The following CANT1 variants were observed in gnomAD, a reference collection of about 807,000 sequenced individuals.
CANT1 encodes calcium activated nucleotidase 1, also known as soluble calcium-activated nucleotidase 1.
Under a neutral mutation model 30.0 loss-of-function variants are expected in CANT1, and 26 were observed. That is an observed-to-expected ratio of 0.87 (90% CI 0.64 to 1.20). CANT1 has a LOEUF of 1.20. Ranked by LOEUF, CANT1 falls within the 50% of genes most tolerant of loss-of-function variation. The probability of loss-of-function intolerance (pLI) is 0.00; values close to 1 mark genes in which losing one functional copy is unlikely to be tolerated. For synonymous variants in CANT1, 246 were observed against 251.8 expected (o/e 0.98, Z 0.22); for missense variants, 518 against 563.0 (o/e 0.92, Z 0.81).
Position 78,993,766 on chromosome 17 carries a change from G to C in CANT1, c.990C>G (p.Ile330Met). 1.9e-6 allele frequency: 3 copies of C among 1,613,300 alleles called. No individual in the cohort carries two copies. Among genetic ancestry groups the C allele is most frequent in the Middle Eastern group, 3.3e-4 (2 of 6,060 alleles). ...LLSASPDFGD[I>M]AVSHVGAVVP... ...CCACCGCCCCGACGTGGCTCACAGC[G>C]ATGTCGCCGAAGTCAGGGGAGGCGC... The change falls in exon 5 of 5, where the codon ATC becomes ATG. Residue 330 changes from isoleucine to methionine, a missense_variant. By Grantham distance (10) the Ile-to-Met change is conservative. Around this residue, in one of 3 missense-constraint regions of CANT1, gnomAD observed 221 missense variants for 211.8 expected, o/e 1.04. Transcript: ENST00000392446. The surrounding 1 kb of genome is among the most constrained non-coding windows in gnomAD (Gnocchi z 4.5).
chr17:78,994,005 C>A, intron 4 of CANT1, 85 bp from the exon 5 acceptor site: 1 of 1,483,392 alleles, frequency 6.7e-7, no homozygotes, highest in South Asian at 1.3e-5. Flanking sequence ...CAGTAGCAGG[C>A]AAGGGGCTGC....
At position 79,008,589 on chromosome 17, in the gene CANT1, C is replaced by T. The variant is rs773935627; in HGVS notation, c.-147+1075G>A. 3.3e-5 allele frequency among the ~76,000 whole-genome samples: 5 copies of T among 152,170 alleles called. No individual in the cohort carries two copies. The highest frequency in any genetic ancestry group is 9.7e-5 in the African/African-American group (4 of 41,446). ...GAAATGGAGCTGGGACACTAAGAGA[C>T]GGCTTTTCCAGGGGTCACTAAGGGG... On this transcript the variant is annotated intron_variant, in intron 1 of 4. Transcript: ENST00000392446. This position sits in a 1 kb window ranked among gnomAD's most constrained non-coding sequence, Gnocchi z 4.4.
Position 78,997,617 on chromosome 17 carries a change from G to A in CANT1, c.6C>T (p.Pro2=), listed in dbSNP as rs887899987. 14 of 1,568,768 alleles carry A rather than the reference G, an allele frequency of 8.9e-6. No homozygotes were observed. The highest frequency in any genetic ancestry group is 2.4e-5 in the South Asian group (2 of 84,220). The change falls in exon 3 of 5, where the codon CCC becomes CCT. Residue 2 remains proline, a synonymous_variant. Coordinates refer to ENST00000392446, the MANE Select transcript of CANT1 (RefSeq NM_001159773.2). The surrounding 1 kb of genome is among the most constrained non-coding windows in gnomAD (Gnocchi z 7.5). The part of the protein sequence containing the change: M[P]VQLSEHPEWN... The stretch of plus-strand genomic sequence containing the variant: ...ATTCCGGGTGCTCAGACAGCTGCAC[G>A]GGCATCAGCGTGACAGACAGGCGGG...
At chr17:78,994,623 C>T (rs529888249) in intron 4 of CANT1, among the ~76,000 whole-genome samples, 1 of 152,300 alleles carries the variant, frequency 6.6e-6, no homozygotes, top group East Asian at 1.9e-4. Flanking sequence ...AAGCAAGAAA[C>T]GGCCTTGGAG....
Position 78,993,414 on chromosome 17 carries a change from G to A in CANT1, c.*136C>T. ...GGTCCAGTGCCCGCACCACTATGGG[G>A]CCCGGGACTGGGCTCCCTGTCCAGA... On this transcript the variant is annotated 3_prime_UTR_variant, in exon 5 of 5. Coordinates refer to ENST00000392446, the MANE Select transcript of CANT1 (RefSeq NM_001159773.2). This position sits in a 1 kb window ranked among gnomAD's most constrained non-coding sequence, Gnocchi z 4.5. 1 of 1,340,600 alleles carries A rather than the reference G, an allele frequency of 7.5e-7. No homozygotes were observed. The highest frequency in any genetic ancestry group is 1.0e-6 in the Non-Finnish European group (1 of 963,426). 83.0% of individuals were successfully genotyped at this position (1,340,600 alleles called of 1,614,324 possible). A position where few individuals can be genotyped will look rare whatever the true frequency, so the allele number is the denominator to read the frequency against.
intron 4 of CANT1, among the ~76,000 whole-genome samples, 193 bp from the exon 5 acceptor site, chr17:78,994,113 G>C (rs1296746326): frequency 6.6e-6 from 1 of 152,200 alleles, no homozygotes; most frequent in African/African-American, 2.4e-5. Flanking sequence ...CAGGGAACCT[G>C]CAGCACCCGC....
chr17:79,001,047 C>G (rs2071240450), intron 1 of CANT1, among the ~76,000 whole-genome samples: 1 of 152,194 alleles, frequency 6.6e-6, no homozygotes, highest in South Asian at 2.1e-4. Context: ...TATTATGAAC[C>G]CACAACCTGG....
At position 78,998,112 on chromosome 17, in the gene CANT1, A is replaced by T. The variant is rs138223665; in HGVS notation, c.-146-149T>A. 3.5e-4 allele frequency: 66 copies of T among 186,942 alleles called. No individual in the cohort carries two copies. The highest frequency in any genetic ancestry group is 1.5e-3 in the African/African-American group (66 of 42,716). The allele number at this position is 186,942 out of a possible 1,614,324, so 11.6% of individuals were successfully genotyped here. A position where few individuals can be genotyped will look rare whatever the true frequency, so the allele number is the denominator to read the frequency against. ...CCCTGACTGCCCTGCTGCAGACATC[A>T]CCCTCCGTCCCTGGGTCCTTGGCCC... On this transcript the variant is annotated intron_variant, in intron 1 of 4. Coordinates refer to ENST00000392446, the MANE Select transcript of CANT1 (RefSeq NM_001159773.2). This position sits in a 1 kb window ranked among gnomAD's most constrained non-coding sequence, Gnocchi z 4.5.
Position 78,993,981 on chromosome 17 carries a change from C to A in CANT1, c.836-61G>T. 1 of 1,518,494 alleles carries A rather than the reference C, an allele frequency of 6.6e-7. No homozygotes were observed. Among genetic ancestry groups the A allele is most frequent in the Non-Finnish European group, 8.8e-7 (1 of 1,137,164 alleles). 94.1% of individuals were successfully genotyped at this position (1,518,494 alleles called of 1,614,324 possible). A position where few individuals can be genotyped will look rare whatever the true frequency, so the allele number is the denominator to read the frequency against. The stretch of plus-strand genomic sequence containing the variant: ...CGGCCTGGTGTGCCCAGCCCCACAC[C>A]ATCAGGCCGTGCGCAGTAGCAGGCA... On this transcript the variant is annotated intron_variant, in intron 4 of 4. Coordinates refer to ENST00000392446, the MANE Select transcript of CANT1 (RefSeq NM_001159773.2). This position sits in a 1 kb window ranked among gnomAD's most constrained non-coding sequence, Gnocchi z 4.5.
chr17:78,993,542 G>A lies in CANT1; in HGVS notation c.*8C>T, dbSNP rs749884078. The A allele has an allele frequency of 1.2e-6, 2 of 1,614,076 alleles. No homozygotes were observed. The highest frequency in any genetic ancestry group is 1.1e-5 in the South Asian group (1 of 91,084). On this transcript the variant is annotated 3_prime_UTR_variant, in exon 5 of 5. Coordinates refer to ENST00000392446, the MANE Select transcript of CANT1 (RefSeq NM_001159773.2). The surrounding 1 kb of genome is among the most constrained non-coding windows in gnomAD (Gnocchi z 4.5). ...CCTGATGGCCTTGCTCAGTGTTTCC[G>A]TTTTGAGTTAAATGAACTCGATGCC... is the stretch of plus-strand genomic sequence containing the variant.
Position 79,008,100 on chromosome 17 carries a change from A to G in CANT1, c.-147+1564T>C, listed in dbSNP as rs573283397. The G allele has an allele frequency of 3.3e-5, 5 of 152,336 alleles. No individual in the cohort carries two copies. Among genetic ancestry groups the G allele is most frequent in the Non-Finnish European group, 7.3e-5 (5 of 68,150 alleles). 9.4% of individuals were successfully genotyped at this position (152,336 alleles called of 1,614,324 possible). ...CGTGAAGATGCCTGGGGCTGCCCCG[A>G]CAGGAAACCCTTGCCACGTCCAGAG... On this transcript the variant is annotated intron_variant, in intron 1 of 4. Transcript: ENST00000392446. This position sits in a 1 kb window ranked among gnomAD's most constrained non-coding sequence, Gnocchi z 4.4.
chr17:79,009,044 T>C (rs1367796775), intron 1 of CANT1, among the ~76,000 whole-genome samples: 2 of 151,898 alleles, frequency 1.3e-5, no homozygotes, highest in Non-Finnish European at 2.9e-5. Context: ...AGTCAGAAGG[T>C]GGTGGGAGGG....
In CANT1 at chr17:78,995,938, G is replaced by A. The variant is rs534805535; in HGVS notation, c.632-717C>T. Reference sequence around the variant, plus strand: ...CTGCGGTCTCCTGGTCTGCTTGTGCGATGAGACATTCTCCATGCCAGGGTC... The same window carrying A: ...CTGCGGTCTCCTGGTCTGCTTGTGCAATGAGACATTCTCCATGCCAGGGTC... On this transcript the variant is annotated intron_variant, in intron 3 of 4. Transcript: ENST00000392446. The surrounding 1 kb of genome is among the most constrained non-coding windows in gnomAD (Gnocchi z 5.7). Among the ~76,000 whole-genome samples the A allele has an allele frequency of 1.7e-4, 26 of 152,184 alleles. No homozygotes were observed. In the East Asian group the frequency reaches 2.1e-3, roughly 13 times the overall value.
At position 78,995,181 on chromosome 17, in the gene CANT1, C is replaced by A; in HGVS notation, c.672G>T (p.Leu224=). 1 of 1,614,028 alleles carries A rather than the reference C, an allele frequency of 6.2e-7. No homozygotes were observed. The highest frequency in any genetic ancestry group is 8.5e-7 in the Non-Finnish European group (1 of 1,179,960). ...ACTCCTTGCCCAGGCCGCCCACGTACAGACGCTCGTCCTTCACTGCCAGCC... is the reference window on the plus strand; with the variant it reads ...ACTCCTTGCCCAGGCCGCCCACGTAAAGACGCTCGTCCTTCACTGCCAGCC... ...AEWLAVKDER[L]YVGGLGKEWT... The change falls in exon 4 of 5, where the codon CTG becomes CTT. Residue 224 remains leucine, a synonymous_variant. Coordinates refer to ENST00000392446, the MANE Select transcript of CANT1 (RefSeq NM_001159773.2). The surrounding 1 kb of genome is among the most constrained non-coding windows in gnomAD (Gnocchi z 5.7).
chr17:79,003,945 C>T (rs1266515867), intron 1 of CANT1, among the ~76,000 whole-genome samples: 18 of 15,680 alleles, frequency 1.1e-3, no homozygotes, highest in East Asian at 1.8e-3. Context: ...AGTTAGGGAG[C>T]GGGGAGTTAG....
chr17:79,007,214 A>G (rs1227584042), intron 1 of CANT1, among the ~76,000 whole-genome samples: 1 of 152,210 alleles, frequency 6.6e-6, no homozygotes, highest in African/African-American at 2.4e-5. Context: ...CTAATTAACC[A>G]TCTTGATTAA....
At chr17:79,003,265 G>A (rs1416423983) in intron 1 of CANT1, among the ~76,000 whole-genome samples, 2 of 152,100 alleles carry the variant, frequency 1.3e-5, no homozygotes, top group Non-Finnish European at 2.9e-5. Flanking sequence ...ACCTTCCCTT[G>A]GGCTTCATCT....
At chr17:78,994,895 G>A in intron 4 of CANT1, 123 bp downstream of exon 4, 1 of 1,035,548 alleles carries the variant, frequency 9.7e-7, no homozygotes, top group Non-Finnish European at 1.4e-6. Flanking sequence ...ACTCTAACCG[G>A]GGTGACAGAG....
chr17:78,999,044 C>T (rs78039739), intron 1 of CANT1, among the ~76,000 whole-genome samples: 1 of 152,184 alleles, frequency 6.6e-6, no homozygotes, highest in African/African-American at 2.4e-5. Context: ...GAGACACCCC[C>T]TTCTCCACGC....
Sources: allele counts gnomAD v4.1 joint callset (sites outside exome capture counted in the v4.1 genomes callset), GRCh38; gene constraint gnomAD v4.1.1; regional missense constraint gnomAD v4.1.1; non-coding constraint Gnocchi (gnomAD v3.1); transcripts MANE v1.5; gene names NCBI Gene and HGNC (gene_info 2026-07-23, HGNC 2026-07-21).